COMMD7: variants seen among roughly 807,000 people sequenced by gnomAD.
COMMD7 encodes COMM domain-containing protein 7.
In COMMD7, 28 loss-of-function variants were observed where a neutral mutation model predicts 34.8. That is an observed-to-expected ratio of 0.80 (90% CI 0.60 to 1.10). The LOEUF is 1.10. Ranked by LOEUF, COMMD7 falls within the 50% of genes least tolerant of loss-of-function variation. The pLI is 0.00. For synonymous variants in COMMD7, 80 were observed against 86.4 expected, an observed-to-expected ratio of 0.93 and a Z score of 0.41; for missense variants, 211 against 241.6, an observed-to-expected ratio of 0.87 and a Z score of 0.84.
At chr20:32,716,635 A>G (rs1030972668) in intron 3 of COMMD7, among the ~76,000 whole-genome samples, 1 of 152,040 alleles carries the variant, frequency 6.6e-6, no homozygotes, top group Non-Finnish European at 1.5e-5. Context: ...AAAACAAAAC[A>G]TAATCCAGTT....
chr20:32,706,840 T>C, intron 3 of COMMD7, 80 bp from the exon 4 acceptor site: 1 of 1,198,610 alleles, frequency 8.3e-7, no homozygotes, highest in Non-Finnish European at 1.2e-6. Context: ...GCACAACCTA[T>C]GTGACCTAAA....
chr20:32,705,007 G>A, intron 5 of COMMD7, 103 bp from the exon 6 acceptor site: 1 of 825,660 alleles, frequency 1.2e-6, no homozygotes, highest in South Asian at 1.5e-5. Flanking sequence ...AGATAGTGGG[G>A]AGGGTGCAGA....
intron 8 of COMMD7, 139 bp from the exon 9 acceptor site, chr20:32,703,597 A>G (rs1187217187): frequency 1.4e-6 from 2 of 1,448,040 alleles, no homozygotes; most frequent in Non-Finnish European, 9.1e-7. Flanking sequence ...GTAACTGATC[A>G]TAATAAAGAA....
intron 3 of COMMD7, among the ~76,000 whole-genome samples, chr20:32,718,885 CAAT>C (rs1984979444): frequency 6.6e-6 from 1 of 151,908 alleles, no homozygotes; most frequent in Non-Finnish European, 1.5e-5. Context: ...TGAGATGTGT[CAAT>C]GTGTGCTTGA....
intron 3 of COMMD7, among the ~76,000 whole-genome samples, chr20:32,717,402 T>G (rs1984863636): frequency 6.6e-6 from 1 of 151,356 alleles, no homozygotes; most frequent in Non-Finnish European, 1.5e-5. Flanking sequence ...CCCAGCTCAC[T>G]GCAACATCTG....
intron 1 of COMMD7, among the ~76,000 whole-genome samples, chr20:32,742,925 C>A (rs1212020500): frequency 6.6e-6 from 1 of 152,188 alleles, no homozygotes. Context: ...TCCCCACGCC[C>A]TTAGTCTGTT....
At chr20:32,717,930 A>C (rs1484838065) in intron 3 of COMMD7, among the ~76,000 whole-genome samples, 1 of 146,512 alleles carries the variant, frequency 6.8e-6, no homozygotes, top group African/African-American at 2.5e-5. Context: ...ACCAAAAAAG[A>C]AAAAAAAAAA....
At chr20:32,739,644 CAAAAA>C (rs1176056154) in intron 1 of COMMD7, among the ~76,000 whole-genome samples, 7 of 56,004 alleles carry the variant, frequency 1.2e-4, no homozygotes, top group African/African-American at 2.9e-4. Context: ...GGCTCTGTAT[CAAAAA>C]AAAAAAAAAA....
rs1983855159 is a variant in COMMD7 at position 32,703,242 on chromosome 20, C to T, written c.*140G>A. 2 of 686,122 alleles carry T rather than the reference C, an allele frequency of 2.9e-6. No individual in the cohort carries two copies. Among genetic ancestry groups the T allele is most frequent in the Admixed American group, 3.1e-5 (1 of 32,472 alleles). 42.5% of individuals were successfully genotyped at this position (686,122 alleles called of 1,614,324 possible). On this transcript the variant is annotated 3_prime_UTR_variant, in exon 9 of 9. Coordinates refer to ENST00000278980, the MANE Select transcript of COMMD7 (RefSeq NM_053041.3). ...CTTAATCCTGCTGTTTTTCAGAAAC[C>T]CTTTGCACCTGGGCCCCATGGAGCC...
At chr20:32,703,499 T>G in intron 8 of COMMD7, 41 bp from the exon 9 acceptor site, 3 of 1,586,912 alleles carry the variant, frequency 1.9e-6, no homozygotes, top group Non-Finnish European at 2.6e-6. Flanking sequence ...TGTTTCCAAC[T>G]CCACAGAATC....
intron 3 of COMMD7, 64 bp from the exon 4 acceptor site, chr20:32,706,824 T>C: frequency 7.5e-7 from 1 of 1,335,058 alleles, no homozygotes; most frequent in Non-Finnish European, 1.1e-6. Flanking sequence ...AATAAGTATT[T>C]AATGGGCACA....
At chr20:32,707,707 G>A (rs898496733) in intron 3 of COMMD7, among the ~76,000 whole-genome samples, 6 of 151,392 alleles carry the variant, frequency 4.0e-5, no homozygotes, top group African/African-American at 1.5e-4. Context: ...AAGACTTCAC[G>A]GACTTGGGGA....
intron 3 of COMMD7, among the ~76,000 whole-genome samples, chr20:32,715,380 G>C (rs1984717315): frequency 6.9e-6 from 1 of 145,396 alleles, no homozygotes; most frequent in Non-Finnish European, 1.5e-5. Context: ...CTACTCGGGA[G>C]GCTGAGGTGG....
At chr20:32,719,278 G>T (rs1985004828) in intron 3 of COMMD7, among the ~76,000 whole-genome samples, 1 of 152,218 alleles carries the variant, frequency 6.6e-6, no homozygotes, top group African/African-American at 2.4e-5. Context: ...AACTAGGCAT[G>T]TAGGGCTAAG....
Position 32,706,703 on chromosome 20 carries a change from C to T in COMMD7, c.298+1G>A, listed in dbSNP as rs1441358699. 3 of 1,613,836 alleles carry T rather than the reference C, an allele frequency of 1.9e-6. No homozygotes were observed. Among genetic ancestry groups the T allele is most frequent in the Non-Finnish European group, 1.7e-6 (2 of 1,179,868 alleles). On this transcript the variant is annotated splice_donor_variant, in intron 4 of 8. Coordinates refer to ENST00000278980, the MANE Select transcript of COMMD7 (RefSeq NM_053041.3). LOFTEE classifies it high-confidence loss of function. ...CTGAGCAACCCTGGCCAATGACCTACCCAGAGTTATGAAATCCGCCTGGAC... is the reference window on the plus strand; with the variant it reads ...CTGAGCAACCCTGGCCAATGACCTATCCAGAGTTATGAAATCCGCCTGGAC...
chr20:32,716,973 A>T (rs1438149716), intron 3 of COMMD7, among the ~76,000 whole-genome samples: 6 of 151,910 alleles, frequency 3.9e-5, no homozygotes, highest in Admixed American at 1.3e-4. Flanking sequence ...CTGGGACTAC[A>T]GGTGCCCACC....
intron 3 of COMMD7, among the ~76,000 whole-genome samples, chr20:32,708,588 A>G (rs557088881): frequency 1.7e-4 from 26 of 152,038 alleles, no homozygotes; most frequent in African/African-American, 5.8e-4. Flanking sequence ...ACAGTGTCTT[A>G]GTTTATATCC....
At chr20:32,721,455 C>T (rs1985149949) in intron 3 of COMMD7, among the ~76,000 whole-genome samples, 1 of 151,566 alleles carries the variant, frequency 6.6e-6, no homozygotes. Context: ...ACTAAAAGTA[C>T]AAAAAATTGC....
intron 1 of COMMD7, among the ~76,000 whole-genome samples, chr20:32,743,099 C>T (rs1040878701): frequency 1.3e-5 from 2 of 152,114 alleles, no homozygotes; most frequent in Non-Finnish European, 2.9e-5. Context: ...CTTAGGCCTC[C>T]GGAGATCCCT....
Sources: allele counts gnomAD v4.1 joint callset (sites outside exome capture counted in the v4.1 genomes callset), GRCh38; gene constraint gnomAD v4.1.1; transcripts MANE v1.5; gene names NCBI Gene and HGNC (gene_info 2026-07-23, HGNC 2026-07-21).